Variants in RAB38 observed in about 807,000 individuals in gnomAD.
RAB38 encodes the protein ras-related protein Rab-38.
A neutral mutation model predicts 18.4 loss-of-function variants in RAB38; 15 were observed. The observed-to-expected ratio is 0.82, with a 90% confidence interval of 0.55 to 1.26. RAB38 has a LOEUF of 1.26. RAB38 is among the 50% of genes most tolerant of loss of function. The probability of loss-of-function intolerance (pLI) is 0.00; values close to 1 mark genes in which losing one functional copy is unlikely to be tolerated. For synonymous variants in RAB38, 101 were observed against 104.4 expected (o/e 0.97, Z 0.20); for missense variants, 294 against 267.4 (o/e 1.10, Z -0.69).
chr11:87,892,328 T>C, the RAB38 span, among the ~76,000 whole-genome samples: 1 of 151,784 alleles, frequency 6.6e-6, no homozygotes, highest in African/African-American at 2.4e-5. Flanking sequence ...CCTAAAAAAT[T>C]TTGCCTGAAA....
the RAB38 span, among the ~76,000 whole-genome samples, chr11:88,033,709 G>A: frequency 1.0e-4 from 15 of 147,532 alleles, no homozygotes; most frequent in East Asian, 1.2e-3. Flanking sequence ...CTCACCTCAA[G>A]GATCTGTTGT....
chr11:88,109,469 T>C (rs1231194319), downstream of RAB38, among the ~76,000 whole-genome samples: 1 of 152,122 alleles, frequency 6.6e-6, no homozygotes, highest in Non-Finnish European at 1.5e-5. Flanking sequence ...GGGCAAAGAC[T>C]TCATGTCTAA....
the RAB38 span, among the ~76,000 whole-genome samples, chr11:87,953,729 T>A: frequency 6.6e-6 from 1 of 152,128 alleles, no homozygotes; most frequent in Non-Finnish European, 1.5e-5. Flanking sequence ...TTGCAACATA[T>A]TACCTGAAGA....
chr11:87,846,975 G>A, the RAB38 span, among the ~76,000 whole-genome samples: 11 of 151,900 alleles, frequency 7.2e-5, no homozygotes, highest in East Asian at 9.7e-4. Flanking sequence ...TATTTTAAAC[G>A]AATAATTAAA....
the RAB38 span, among the ~76,000 whole-genome samples, chr11:88,076,234 C>A: frequency 1.3e-5 from 2 of 151,810 alleles, no homozygotes; most frequent in African/African-American, 2.4e-5. Flanking sequence ...TGAATAAATT[C>A]CTGGATTCAT....
the RAB38 span, among the ~76,000 whole-genome samples, chr11:88,020,515 C>T: frequency 6.6e-6 from 1 of 152,226 alleles, no homozygotes; most frequent in Non-Finnish European, 1.5e-5. Flanking sequence ...AAGACTTCAG[C>T]ACCCCACTTT....
chr11:88,061,551 C>T, the RAB38 span: 1 of 152,136 alleles, frequency 6.6e-6, no homozygotes, highest in African/African-American at 2.4e-5. Context: ...AAATAGACAA[C>T]TGATTCTAAC....
At chr11:87,907,586 T>A in the RAB38 span, among the ~76,000 whole-genome samples, 51 of 151,844 alleles carry the variant, frequency 3.4e-4, no homozygotes, top group Admixed American at 1.4e-3. Context: ...TTCTGTTCTT[T>A]CTTTCCTATT....
At chr11:87,861,462 C>T in the RAB38 span, among the ~76,000 whole-genome samples, 2 of 151,830 alleles carry the variant, frequency 1.3e-5, no homozygotes, top group Admixed American at 1.3e-4. Context: ...AGACAAATCA[C>T]AATCAAAGCA....
At chr11:87,859,066 A>C in the RAB38 span, among the ~76,000 whole-genome samples, 1 of 151,914 alleles carries the variant, frequency 6.6e-6, no homozygotes, top group African/African-American at 2.4e-5. Context: ...AAAAGAATAG[A>C]CTCTTTAATA....
the RAB38 span, among the ~76,000 whole-genome samples, chr11:88,030,554 C>T: frequency 6.6e-6 from 1 of 152,080 alleles, no homozygotes; most frequent in Admixed American, 6.6e-5. Flanking sequence ...GATATAACCA[C>T]CGATTCCACA....
At chr11:87,863,580 C>T in the RAB38 span, among the ~76,000 whole-genome samples, 3 of 151,408 alleles carry the variant, frequency 2.0e-5, no homozygotes, top group Non-Finnish European at 3.0e-5. Context: ...CTGTTTGGCG[C>T]ATGATAGTGT....
the RAB38 span, among the ~76,000 whole-genome samples, chr11:88,005,343 C>G: frequency 2.7e-5 from 4 of 150,734 alleles, no homozygotes; most frequent in Non-Finnish European, 5.9e-5. Flanking sequence ...TATATGTGGT[C>G]AATAGCTTTT....
chr11:88,070,498 TGA>T, the RAB38 span, among the ~76,000 whole-genome samples: 1 of 152,204 alleles, frequency 6.6e-6, no homozygotes, highest in Non-Finnish European at 1.5e-5. Flanking sequence ...GGAAGCAGAA[TGA>T]GTCTAAACCA....
the RAB38 span, among the ~76,000 whole-genome samples, chr11:87,853,968 A>T: frequency 6.6e-6 from 1 of 152,100 alleles, no homozygotes; most frequent in African/African-American, 2.4e-5. Context: ...GCCATCTGGG[A>T]TTCATGTCCC....
the RAB38 span, among the ~76,000 whole-genome samples, chr11:88,019,088 T>C: frequency 3.4e-4 from 51 of 152,150 alleles, no homozygotes; most frequent in Non-Finnish European, 5.9e-4. Flanking sequence ...ATTCATATTT[T>C]TTTTCCTCTT....
chr11:88,132,052 A>C (rs1374300973), intron 2 of RAB38, among the ~76,000 whole-genome samples: 1 of 152,246 alleles, frequency 6.6e-6, no homozygotes, highest in African/African-American at 2.4e-5. Context: ...AGAGGATCCC[A>C]AGGTTTAGAT....
chr11:87,906,220 A>G, the RAB38 span, among the ~76,000 whole-genome samples: 1 of 151,992 alleles, frequency 6.6e-6, no homozygotes, highest in Non-Finnish European at 1.5e-5. Context: ...GAGCATTAAA[A>G]ATCAAATGAA....
chr11:88,082,033 T>C, the RAB38 span, among the ~76,000 whole-genome samples: 4 of 152,002 alleles, frequency 2.6e-5, no homozygotes, highest in East Asian at 5.8e-4. Context: ...TTCATTTACG[T>C]TGCATCCGAA....
Sources: gnomAD v4.1 joint callset for allele counts (sites outside exome capture counted in the v4.1 genomes callset) on GRCh38, gnomAD v4.1.1 for gene constraint, MANE v1.5 for transcripts, NCBI Gene and HGNC (gene_info 2026-07-23, HGNC 2026-07-21) for gene names.